YAF2: variants seen among roughly 807,000 people sequenced by gnomAD.
YAF2 encodes the protein YY1 associated factor 2.
In YAF2, 7 loss-of-function variants were observed where a neutral mutation model predicts 20.1. The ratio of observed to expected loss-of-function variants is 0.35; its 90% CI spans 0.20 to 0.65. The LOEUF (loss-of-function observed/expected upper bound fraction) is 0.65, where lower values mean the gene tolerates loss of function less well. Ranked by LOEUF, YAF2 falls within the 30% of genes least tolerant of loss-of-function variation. The pLI is 0.69. For missense variants in YAF2, 151 were observed against 219.2 expected (o/e 0.69, Z 1.96); for synonymous variants, 74 against 76.0 (o/e 0.97, Z 0.14).
At chr12:42,181,391 G>A (rs1366460246) in intron 2 of YAF2, among the ~76,000 whole-genome samples, 1 of 152,226 alleles carries the variant, frequency 6.6e-6, no homozygotes, top group Non-Finnish European at 1.5e-5. Context: ...TCAGGCAGTA[G>A]TATTATTGCC....
intron 2 of YAF2, among the ~76,000 whole-genome samples, chr12:42,201,246 A>G (rs1337970841): frequency 6.6e-6 from 1 of 152,240 alleles, no homozygotes; most frequent in Admixed American, 6.5e-5. Context: ...CTTGAATAGT[A>G]ATCAACTGCT....
At chr12:42,177,182 A>C (rs1333814902) in intron 2 of YAF2, among the ~76,000 whole-genome samples, 1 of 152,178 alleles carries the variant, frequency 6.6e-6, no homozygotes, top group African/African-American at 2.4e-5. Context: ...CTAGTCCACA[A>C]GTCTCTATGT....
rs1464384666 is a variant in YAF2, at chr12:42,198,270, T to A, written c.153-36505A>T. The stretch of plus-strand genomic sequence containing the variant: ...TAGAGGATCTGCTTTTTATCAGAGC[T>A]GATATTCTGATTAAAAACTTATCAG... On this transcript the variant is annotated intron_variant, in intron 2 of 3. Coordinates refer to ENST00000534854, the MANE Select transcript of YAF2 (RefSeq NM_005748.6). Among the ~76,000 whole-genome samples, 4 of 152,288 alleles carry A rather than the reference T, an allele frequency of 2.6e-5. No individual in the cohort carries two copies. In the East Asian group the frequency reaches 7.7e-4, roughly 29 times the overall value.
At chr12:42,205,055 T>TA (rs200657939) in intron 2 of YAF2, among the ~76,000 whole-genome samples, 32,157 of 144,440 alleles carry the variant, frequency 0.22, 3,582 homozygotes, top group African/African-American at 0.27. Flanking sequence ...AAGTTGTTAT[T>TA]AAAAAAAAAA....
rs59265941 is a variant in YAF2, at chr12:42,223,636, C to T, written c.152+13963G>A. Among the ~76,000 whole-genome samples, 15 of 152,230 alleles carry T rather than the reference C, an allele frequency of 9.9e-5. No individual in the cohort carries two copies. In the East Asian group the frequency reaches 1.5e-3, roughly 16 times the overall value. On this transcript the variant is annotated intron_variant, in intron 2 of 3. Transcript: ENST00000534854. ...TCAGCCTGTAAAAGTGCTGGGATTA[C>T]AGGTGTGAGCCACCTCGCCCCACCA...
intron 2 of YAF2, among the ~76,000 whole-genome samples, chr12:42,191,139 T>A (rs1350458395): frequency 4.6e-5 from 7 of 152,180 alleles, no homozygotes; most frequent in Non-Finnish European, 7.4e-5. Flanking sequence ...CTGAAAAATG[T>A]TTTTAAAGTC....
intron 2 of YAF2, among the ~76,000 whole-genome samples, chr12:42,208,840 A>G (rs2067125354): frequency 6.6e-6 from 1 of 152,242 alleles, no homozygotes; most frequent in African/African-American, 2.4e-5. Flanking sequence ...AAAAGTTTCA[A>G]ACTGAAGAAA....
intron 2 of YAF2, among the ~76,000 whole-genome samples, chr12:42,207,754 C>T (rs12424596): frequency 2.0e-5 from 3 of 151,930 alleles, no homozygotes; most frequent in Middle Eastern, 3.4e-3. Context: ...AGCCGGGCGT[C>T]GTGGCGGGCG....
chr12:42,237,279 C>A (rs2068195775), intron 2 of YAF2: 7 of 481,794 alleles, frequency 1.5e-5, no homozygotes, highest in Admixed American at 6.0e-5. Flanking sequence ...CACAACAATG[C>A]AGCCAACATT....
chr12:42,209,787 G>A (rs1247236951), intron 2 of YAF2, among the ~76,000 whole-genome samples: 5 of 152,086 alleles, frequency 3.3e-5, no homozygotes, highest in Non-Finnish European at 5.9e-5. Flanking sequence ...ATTTACCAAA[G>A]CCAGTAAATG....
intron 2 of YAF2, among the ~76,000 whole-genome samples, chr12:42,215,845 C>A (rs761150982): frequency 6.6e-6 from 1 of 152,082 alleles, no homozygotes; most frequent in Non-Finnish European, 1.5e-5. Flanking sequence ...TCACTTGAAA[C>A]CAGGAGGCAG....
intron 2 of YAF2, among the ~76,000 whole-genome samples, chr12:42,191,756 C>T (rs1413707695): frequency 2.6e-5 from 4 of 152,058 alleles, no homozygotes; most frequent in Non-Finnish European, 4.4e-5. Context: ...TGCCCAATAC[C>T]ATGAGAGGTT....
chr12:42,211,467 T>C lies in YAF2; in HGVS notation c.152+26132A>G, dbSNP rs1285336555. Among the ~76,000 whole-genome samples the C allele has an allele frequency of 2.8e-5, 4 of 145,202 alleles. No homozygotes were observed. The Admixed American group carries it at 2.8e-4, about 10-fold the overall frequency. On this transcript the variant is annotated intron_variant, in intron 2 of 3. Coordinates refer to ENST00000534854, the MANE Select transcript of YAF2 (RefSeq NM_005748.6). ...AAAAAAAAAAGTCATCCAGGCACAGTGGCTCACGCCTGTAATCCCAACACT... is the reference window on the plus strand; with the variant it reads ...AAAAAAAAAAGTCATCCAGGCACAGCGGCTCACGCCTGTAATCCCAACACT...
intron 2 of YAF2, chr12:42,232,382 TCA>T: frequency 3.1e-6 from 3 of 959,410 alleles, no homozygotes; most frequent in Non-Finnish European, 3.7e-6. Flanking sequence ...TCAGGGACTC[TCA>T]GTGTCCCTCA....
At chr12:42,226,686 G>A (rs6582386) in intron 2 of YAF2, among the ~76,000 whole-genome samples, 101,353 of 152,008 alleles carry the variant, frequency 0.67, 34,304 homozygotes, top group African/African-American at 0.78. Context: ...AATAAATAAT[G>A]CTAAAACGAT....
At chr12:42,179,599 A>G (rs2066288184) in intron 2 of YAF2, among the ~76,000 whole-genome samples, 1 of 152,030 alleles carries the variant, frequency 6.6e-6, no homozygotes, top group African/African-American at 2.4e-5. Context: ...AGACCAGCCT[A>G]GTAACATGGT....
intron 2 of YAF2, among the ~76,000 whole-genome samples, chr12:42,184,633 T>G (rs923067598): frequency 6.6e-6 from 1 of 152,174 alleles, no homozygotes; most frequent in Non-Finnish European, 1.5e-5. Flanking sequence ...ATATTAGAAA[T>G]ACATTTCATA....
chr12:42,229,089 A>T (rs2067892389), intron 2 of YAF2, among the ~76,000 whole-genome samples: 2 of 45,526 alleles, frequency 4.4e-5, no homozygotes, highest in East Asian at 9.9e-4. Flanking sequence ...CTGCCTTGGG[A>T]TCCTGTTGAT....
At chr12:42,227,132 G>A (rs1263726594) in intron 2 of YAF2, among the ~76,000 whole-genome samples, 16 of 145,834 alleles carry the variant, frequency 1.1e-4, no homozygotes, top group African/African-American at 3.8e-4. Context: ...TTGCCGCCGC[G>A]CCGGCGAGCG....
Sources: gnomAD v4.1 joint callset for allele counts (sites outside exome capture counted in the v4.1 genomes callset) on GRCh38, gnomAD v4.1.1 for gene constraint, MANE v1.5 for transcripts, NCBI Gene and HGNC (gene_info 2026-07-23, HGNC 2026-07-21) for gene names.